DHRSX: variants seen among roughly 807,000 people sequenced by gnomAD.
The protein encoded by DHRSX is polyprenol dehydrogenase.
In DHRSX, 31 loss-of-function variants were observed where a neutral mutation model predicts 34.0. That is an observed-to-expected ratio of 0.91 (90% confidence interval 0.69 to 1.23). DHRSX has a LOEUF of 1.23. Ranked by LOEUF, DHRSX falls within the 50% of genes most tolerant of loss-of-function variation. The pLI, the probability that DHRSX is intolerant of heterozygous loss-of-function variation, is 0.00. For missense variants in DHRSX, 414 were observed against 428.1 expected, an observed-to-expected ratio of 0.97 and a Z score of 0.29; for synonymous variants, 201 against 183.8, an observed-to-expected ratio of 1.09 and a Z score of -0.76.
intron 6 of DHRSX, among the ~76,000 whole-genome samples, chrX:2,232,605 T>C (rs2015922592): frequency 6.6e-6 from 1 of 151,824 alleles, no homozygotes; most frequent in African/African-American, 2.4e-5. Flanking sequence ...ATTTATTTAT[T>C]TGAGATGCCA....
At position 2,479,365 on chromosome X, in the gene DHRSX, C is replaced by A. The variant is rs763168399; in HGVS notation, c.109+21452G>T. Among the ~76,000 whole-genome samples the A allele has an allele frequency of 4.0e-5, 6 of 150,408 alleles. No individual in the cohort carries two copies. In the South Asian group the frequency reaches 1.1e-3, roughly 27 times the overall value. On this transcript the variant is annotated intron_variant, in intron 1 of 6. Transcript: ENST00000334651. ...GTGGCTAAGGGACCTCCGCCACGTA[C>A]ACACTGAAGACATTCCCTAAGAATG... is the stretch of plus-strand genomic sequence containing the variant.
chrX:2,379,002 A>G (rs1235696819), intron 3 of DHRSX, among the ~76,000 whole-genome samples: 1 of 152,060 alleles, frequency 6.6e-6, no homozygotes, highest in East Asian at 1.9e-4. Context: ...GAATATTACT[A>G]TATTATTTGT....
intron 4 of DHRSX, among the ~76,000 whole-genome samples, chrX:2,275,343 CAAAAA>C (rs768710073): frequency 7.9e-6 from 1 of 127,318 alleles, no homozygotes; most frequent in Non-Finnish European, 1.7e-5. Flanking sequence ...ACTAAAAATA[CAAAAA>C]AAAAAAAAAA....
intron 5 of DHRSX, among the ~76,000 whole-genome samples, chrX:2,247,174 T>G (rs1463069416): frequency 1.3e-5 from 2 of 152,042 alleles, no homozygotes; most frequent in African/African-American, 4.8e-5. Flanking sequence ...GTCTGGAACT[T>G]CTGACCCCAA....
intron 3 of DHRSX, among the ~76,000 whole-genome samples, chrX:2,362,806 C>T (rs1226770974): frequency 2.1e-5 from 3 of 142,268 alleles, no homozygotes; most frequent in Admixed American, 6.9e-5. Flanking sequence ...ATTTTATCAC[C>T]GTTCTATGGT....
intron 3 of DHRSX, among the ~76,000 whole-genome samples, chrX:2,323,852 T>G (rs190972644): frequency 6.6e-6 from 1 of 151,942 alleles, no homozygotes; most frequent in Admixed American, 6.6e-5. Context: ...GGGCTTCCGG[T>G]TTCTCCTCTA....
rs774957243 is a variant in DHRSX at position 2,342,067 on chromosome X, A to G, written c.287-50464T>C. Among the ~76,000 whole-genome samples the G allele has an allele frequency of 7.9e-5, 12 of 152,134 alleles. No individual in the cohort carries two copies. The East Asian group carries it at 1.9e-3, about 25-fold the overall frequency. Reference sequence around the variant, plus strand: ...GTGATCTGTCCGCCTCGGCCTCCCAATGTGCTGGGATTACAGGCGTGAGCC... The same window carrying G: ...GTGATCTGTCCGCCTCGGCCTCCCAGTGTGCTGGGATTACAGGCGTGAGCC... On this transcript the variant is annotated intron_variant, in intron 3 of 6. Transcript: ENST00000334651.
chrX:2,372,028 A>G (rs2043078506), intron 3 of DHRSX, among the ~76,000 whole-genome samples: 1 of 151,678 alleles, frequency 6.6e-6, no homozygotes, highest in Non-Finnish European at 1.5e-5. Context: ...CTTAATTATC[A>G]CTTATTTAAT....
chrX:2,442,581 C>T (rs1011496470), intron 1 of DHRSX, among the ~76,000 whole-genome samples: 1 of 151,818 alleles, frequency 6.6e-6, no homozygotes, highest in African/African-American at 2.4e-5. Context: ...CGGTAAACAA[C>T]GTGTCTTTGC....
At chrX:2,301,565 T>A (rs902263963) in intron 3 of DHRSX, among the ~76,000 whole-genome samples, 8 of 152,222 alleles carry the variant, frequency 5.3e-5, no homozygotes, top group African/African-American at 1.9e-4. Flanking sequence ...TGACATGCCA[T>A]CCTGCAGCAT....
intron 4 of DHRSX, among the ~76,000 whole-genome samples, chrX:2,275,884 G>A (rs1465579022): frequency 2.6e-5 from 4 of 150,974 alleles, no homozygotes; most frequent in South Asian, 2.1e-4. Context: ...TCACTCTGTC[G>A]CTAGGCTGGA....
At position 2,338,347 on chromosome X, in the gene DHRSX, A is replaced by C. The variant is rs2042596576; in HGVS notation, c.287-46744T>G. 6.6e-5 allele frequency among the ~76,000 whole-genome samples: 10 copies of C among 151,578 alleles called. 1 individual carries two copies. In the South Asian group the frequency reaches 2.1e-3, roughly 32 times the overall value. The stretch of plus-strand genomic sequence containing the variant: ...GACTCTGTTTCAAAAAAATAAAATA[A>C]AAATAGAAAAAGGAAGTCACACTCA... On this transcript the variant is annotated intron_variant, in intron 3 of 6. Transcript: ENST00000334651.
intron 3 of DHRSX, among the ~76,000 whole-genome samples, chrX:2,379,038 A>C (rs2124608480): frequency 6.6e-6 from 1 of 152,294 alleles, no homozygotes; most frequent in Admixed American, 6.5e-5. Context: ...GACCTGCCTC[A>C]TGATCTGTCA....
At chrX:2,480,888 C>T (rs750222628) in intron 1 of DHRSX, among the ~76,000 whole-genome samples, 1 of 152,192 alleles carries the variant, frequency 6.6e-6, no homozygotes, top group African/African-American at 2.4e-5. Context: ...TTCTACCACA[C>T]CACACAGTGA....
chrX:2,354,465 T>A (rs1361255757), intron 3 of DHRSX, among the ~76,000 whole-genome samples: 1 of 152,142 alleles, frequency 6.6e-6, no homozygotes, highest in Non-Finnish European at 1.5e-5. Context: ...ATCCATCTTT[T>A]TTGTTTTTGT....
intron 4 of DHRSX, among the ~76,000 whole-genome samples, chrX:2,284,017 T>C (rs1016712415): frequency 2.0e-5 from 3 of 152,112 alleles, no homozygotes; most frequent in Non-Finnish European, 2.9e-5. Context: ...TTCATTCCTC[T>C]GAATTTATTC....
intron 3 of DHRSX, among the ~76,000 whole-genome samples, chrX:2,308,330 G>A (rs1441544116): frequency 6.6e-6 from 1 of 152,026 alleles, no homozygotes; most frequent in African/African-American, 2.4e-5. Context: ...GTATCTTGAT[G>A]GTAAAGATAC....
At chrX:2,346,646 T>G (rs888394970) in intron 3 of DHRSX, among the ~76,000 whole-genome samples, 4 of 106,892 alleles carry the variant, frequency 3.7e-5, no homozygotes, top group African/African-American at 1.4e-4. Flanking sequence ...ATGAGTCTGG[T>G]TTTTTTTTTG....
At chrX:2,277,265 T>G (rs1336750452) in intron 4 of DHRSX, among the ~76,000 whole-genome samples, 6 of 5,370 alleles carry the variant, frequency 1.1e-3, no homozygotes, top group East Asian at 7.0e-3. Flanking sequence ...GAAAGAGAGA[T>G]GGAGAGGGAA....
Sources: allele counts gnomAD v4.1 joint callset (sites outside exome capture counted in the v4.1 genomes callset), GRCh38; gene constraint gnomAD v4.1.1; transcripts MANE v1.5; gene names NCBI Gene and HGNC (gene_info 2026-07-23, HGNC 2026-07-21).